Variants in DPP10 observed in about 807,000 individuals in gnomAD.
DPP10 encodes inactive dipeptidyl peptidase 10.
In DPP10, 33 loss-of-function variants were observed where a neutral mutation model predicts 120.9. The ratio of observed to expected loss-of-function variants is 0.27; its 90% CI spans 0.21 to 0.37. The LOEUF (loss-of-function observed/expected upper bound fraction) is 0.37. DPP10 is among the 10% of genes least tolerant of loss of function. The probability of loss-of-function intolerance (pLI) is 1.00; values close to 1 mark genes in which losing one functional copy is unlikely to be tolerated. For missense variants in DPP10, 816 were observed against 942.8 expected (o/e 0.87, Z 1.76); for synonymous variants, 337 against 326.1 (o/e 1.03, Z -0.36).
intron 1 of DPP10, among the ~76,000 whole-genome samples, chr2:114,469,145 A>AT (rs1679683573): frequency 6.6e-6 from 1 of 152,148 alleles, no homozygotes; most frequent in South Asian, 2.1e-4. Flanking sequence ...AGACAAAACA[A>AT]TGCTGGTGGC....
At chr2:114,664,214 T>C (rs1697716207) in intron 1 of DPP10, among the ~76,000 whole-genome samples, 1 of 151,904 alleles carries the variant, frequency 6.6e-6, no homozygotes, top group Admixed American at 6.6e-5. Context: ...ACAGTTAAAT[T>C]CTGAACTCCT....
intron 19 of DPP10, among the ~76,000 whole-genome samples, chr2:115,813,070 T>C (rs946165903): frequency 1.5e-5 from 2 of 131,980 alleles, no homozygotes; most frequent in South Asian, 2.4e-4. Context: ...CAAGCTCCGC[T>C]TCCCGGGTTC....
Position 114,917,868 on chromosome 2 carries a change from T to G in DPP10, c.61-391371T>G, listed in dbSNP as rs13386919. Among the ~76,000 whole-genome samples, 1,493 of 152,174 alleles carry G rather than the reference T, an allele frequency of 9.8e-3. 19 individuals are homozygous for G. Among genetic ancestry groups the G allele is most frequent in the African/African-American group, 0.035 (1,440 of 41,518 alleles). On this transcript the variant is annotated intron_variant, in intron 1 of 25. Transcript: ENST00000410059. The stretch of plus-strand genomic sequence containing the variant: ...GTATAAAAATTCCTAGGAGAAAACC[T>G]AGGAAATACTATTCCAGACATAGGC...
intron 1 of DPP10, among the ~76,000 whole-genome samples, chr2:115,054,204 T>C (rs2105357558): frequency 6.6e-6 from 1 of 152,310 alleles, no homozygotes; most frequent in Admixed American, 6.5e-5. Flanking sequence ...TGATTATTAT[T>C]ATCATCTTTG....
intron 8 of DPP10, among the ~76,000 whole-genome samples, chr2:115,736,284 G>A (rs1241035330): frequency 6.6e-6 from 1 of 152,080 alleles, no homozygotes; most frequent in African/African-American, 2.4e-5. Flanking sequence ...TACAGGTGGG[G>A]CACACTGCAT....
chr2:115,654,261 A>G (rs1575446778), intron 5 of DPP10, among the ~76,000 whole-genome samples: 1 of 151,872 alleles, frequency 6.6e-6, no homozygotes, highest in East Asian at 1.9e-4. Flanking sequence ...TGAAGGCAAC[A>G]TACTCAATAG....
At chr2:114,719,386 T>C (rs1351597146) in intron 1 of DPP10, among the ~76,000 whole-genome samples, 1 of 152,214 alleles carries the variant, frequency 6.6e-6, no homozygotes. Context: ...ACATATCCAT[T>C]GCAACCTGCC....
intron 1 of DPP10, among the ~76,000 whole-genome samples, chr2:114,897,770 G>A (rs560451409): frequency 6.6e-6 from 1 of 152,214 alleles, no homozygotes; most frequent in African/African-American, 2.4e-5. Context: ...CTGGCCATTA[G>A]AGAAATGCAA....
chr2:115,214,949 G>A (rs1406165168), intron 1 of DPP10, among the ~76,000 whole-genome samples: 1 of 152,168 alleles, frequency 6.6e-6, no homozygotes, highest in Admixed American at 6.6e-5. Flanking sequence ...TTGCTGTCCT[G>A]TTGGCAGCTA....
chr2:115,530,959 A>C (rs1375148), intron 5 of DPP10, among the ~76,000 whole-genome samples: 28,439 of 152,014 alleles, frequency 0.19, 3,333 homozygotes, highest in East Asian at 0.39. Flanking sequence ...ATTTCAGAAA[A>C]GGGAAACATT....
At chr2:115,221,915 C>G (rs1396665732) in intron 1 of DPP10, among the ~76,000 whole-genome samples, 1 of 151,998 alleles carries the variant, frequency 6.6e-6, no homozygotes, top group Non-Finnish European at 1.5e-5. Context: ...CTGAACTGTT[C>G]ATTTGGAGCT....
intron 1 of DPP10, among the ~76,000 whole-genome samples, chr2:115,184,713 G>A (rs2054311976): frequency 1.3e-5 from 2 of 152,128 alleles, no homozygotes; most frequent in African/African-American, 2.4e-5. Flanking sequence ...TCAAACATTC[G>A]TACAGGAGAT....
intron 1 of DPP10, among the ~76,000 whole-genome samples, chr2:115,059,357 T>TC (rs1473091490): frequency 2.0e-4 from 30 of 150,962 alleles, no homozygotes; most frequent in Admixed American, 3.3e-4. Context: ...TATTTCTTTT[T>TC]TTTTTTTTTT....
intron 1 of DPP10, among the ~76,000 whole-genome samples, chr2:115,032,107 G>GA (rs1374831343): frequency 6.6e-6 from 1 of 151,040 alleles, no homozygotes; most frequent in Non-Finnish European, 1.5e-5. Flanking sequence ...ATGGCTAAAA[G>GA]AAAAAACAAG....
chr2:115,004,447 T>C (rs1475188904), intron 1 of DPP10, among the ~76,000 whole-genome samples: 1 of 152,202 alleles, frequency 6.6e-6, no homozygotes, highest in Admixed American at 6.5e-5. Context: ...TGCATTTCCA[T>C]CTGAGGTACC....
chr2:115,645,270 A>G lies in DPP10; in HGVS notation c.442-44417A>G, dbSNP rs973040532. Among the ~76,000 whole-genome samples the G allele has an allele frequency of 1.5e-4, 23 of 152,336 alleles. 1 individual carries two copies. Among genetic ancestry groups the G allele is most frequent in the African/African-American group, 4.8e-4 (20 of 41,580 alleles). ...GTTCCACTGAGTTTTAAAACTTTGT[A>G]TCAGTTACCAACATTGAATATTGAG... On this transcript the variant is annotated intron_variant, in intron 5 of 25. Coordinates refer to ENST00000410059, the MANE Select transcript of DPP10 (RefSeq NM_020868.6).
At chr2:115,448,099 G>A (rs2072777306) in intron 3 of DPP10, among the ~76,000 whole-genome samples, 2 of 152,174 alleles carry the variant, frequency 1.3e-5, no homozygotes, top group Admixed American at 1.3e-4. Flanking sequence ...ATGAGAACAG[G>A]TCTGAGGTAC....
chr2:114,579,625 A>G (rs1690333673), intron 1 of DPP10, among the ~76,000 whole-genome samples: 1 of 152,226 alleles, frequency 6.6e-6, no homozygotes, highest in African/African-American at 2.4e-5. Flanking sequence ...AAGCTCTTCT[A>G]TTTGGAAAGG....
At chr2:114,467,327 C>T (rs894163030) in intron 1 of DPP10, among the ~76,000 whole-genome samples, 11 of 152,292 alleles carry the variant, frequency 7.2e-5, no homozygotes, top group African/African-American at 1.4e-4. Flanking sequence ...GCCTTCTAGA[C>T]GCTTAAGAAG....
Sources: gnomAD v4.1 joint callset for allele counts (sites outside exome capture counted in the v4.1 genomes callset) on GRCh38, gnomAD v4.1.1 for gene constraint, MANE v1.5 for transcripts, NCBI Gene and HGNC (gene_info 2026-07-23, HGNC 2026-07-21) for gene names.